ASAP2: variants seen among roughly 807,000 people sequenced by gnomAD.
The protein encoded by ASAP2 is arf-GAP with SH3 domain, ANK repeat and PH domain-containing protein 2.
A neutral mutation model predicts 131.4 loss-of-function variants in ASAP2; 45 were observed. The ratio of observed to expected loss-of-function variants is 0.34; its 90% CI spans 0.27 to 0.44. The LOEUF (loss-of-function observed/expected upper bound fraction) is 0.44. ASAP2 is among the 20% of genes least tolerant of loss of function. The probability of loss-of-function intolerance (pLI) is 1.00; values close to 1 mark genes in which losing one functional copy is unlikely to be tolerated. For synonymous variants in ASAP2, 510 were observed against 503.0 expected, an observed-to-expected ratio of 1.01 and a Z score of -0.19; for missense variants, 1,011 against 1,297.0, an observed-to-expected ratio of 0.78 and a Z score of 3.39.
chr2:9,264,324 G>A (rs1572289502), intron 1 of ASAP2, among the ~76,000 whole-genome samples: 1 of 152,190 alleles, frequency 6.6e-6, no homozygotes. Context: ...GCTTCTGCAG[G>A]CATGTCTTCC....
In ASAP2 at chr2:9,271,679, C is replaced by T. The variant is rs557004851; in HGVS notation, c.127-7638C>T. ...GAAATGGTCTGCGGAAGACGGCGGGCAGAGGGTACGGAAAGTAGGGAAGCG... is the reference window on the plus strand; with the variant it reads ...GAAATGGTCTGCGGAAGACGGCGGGTAGAGGGTACGGAAAGTAGGGAAGCG... On this transcript the variant is annotated intron_variant, in intron 1 of 27. Transcript: ENST00000281419. The T allele has an allele frequency of 1.2e-4, 74 of 608,294 alleles. 1 individual carries two copies. The highest frequency in any genetic ancestry group is 2.1e-4 in the Admixed American group (6 of 29,146). 37.7% of individuals were successfully genotyped at this position (608,294 alleles called of 1,614,324 possible). A position where few individuals can be genotyped will look rare whatever the true frequency, so the allele number is the denominator to read the frequency against.
At chr2:9,297,146 G>T (rs1471816240) in intron 2 of ASAP2, among the ~76,000 whole-genome samples, 154 bp from the exon 3 acceptor site, 4 of 152,150 alleles carry the variant, frequency 2.6e-5, no homozygotes, top group Non-Finnish European at 1.5e-5. Flanking sequence ...TTGTTGTTGG[G>T]ATAACGAAGC....
intron 24 of ASAP2, among the ~76,000 whole-genome samples, chr2:9,396,262 A>T (rs931837135): frequency 6.6e-6 from 1 of 152,040 alleles, no homozygotes; most frequent in Non-Finnish European, 1.5e-5. Flanking sequence ...CTGGAGTGGG[A>T]TTCCATTCCT....
chr2:9,291,719 A>G (rs1667823372), intron 2 of ASAP2, among the ~76,000 whole-genome samples: 1 of 152,154 alleles, frequency 6.6e-6, no homozygotes, highest in Non-Finnish European at 1.5e-5. Flanking sequence ...CTGATTCCCA[A>G]GTGGCCTGTG....
At chr2:9,288,869 G>A (rs1667625628) in intron 2 of ASAP2, among the ~76,000 whole-genome samples, 2 of 152,030 alleles carry the variant, frequency 1.3e-5, no homozygotes, top group South Asian at 2.1e-4. Context: ...CAGCTCTCTG[G>A]TTAAGGAGAG....
At chr2:9,377,956 G>C (rs1229653218) in intron 18 of ASAP2, among the ~76,000 whole-genome samples, 1 of 152,108 alleles carries the variant, frequency 6.6e-6, no homozygotes, top group Non-Finnish European at 1.5e-5. Context: ...GTAAACATTT[G>C]GTTGATAGCT....
chr2:9,320,593 AG>A (rs1670091692), intron 5 of ASAP2, among the ~76,000 whole-genome samples: 1 of 152,216 alleles, frequency 6.6e-6, no homozygotes, highest in South Asian at 2.1e-4. Flanking sequence ...AAGTTCATTG[AG>A]GGAAGTTAAG....
intron 15 of ASAP2, among the ~76,000 whole-genome samples, chr2:9,364,786 A>C (rs1572553683): frequency 2.6e-5 from 4 of 152,350 alleles, no homozygotes; most frequent in East Asian, 1.9e-4. Context: ...GCTTAGGGCA[A>C]CAGGAAATTG....
intron 1 of ASAP2, among the ~76,000 whole-genome samples, chr2:9,211,857 C>T (rs1289182056): frequency 6.6e-6 from 1 of 152,230 alleles, no homozygotes; most frequent in African/African-American, 2.4e-5. Flanking sequence ...GTCCCCAGAA[C>T]AGATTATTGC....
At chr2:9,362,448 G>A (rs897386169) in intron 15 of ASAP2, among the ~76,000 whole-genome samples, 5 of 152,134 alleles carry the variant, frequency 3.3e-5, no homozygotes, top group Non-Finnish European at 7.3e-5. Flanking sequence ...ACAACATGAT[G>A]TTTTAGTATG....
intron 9 of ASAP2, among the ~76,000 whole-genome samples, chr2:9,339,269 G>A (rs571914186): frequency 3.9e-5 from 6 of 152,178 alleles, no homozygotes; most frequent in East Asian, 1.9e-4. Context: ...TGACTAGGAC[G>A]GGGTTGCCTG....
intron 1 of ASAP2, among the ~76,000 whole-genome samples, chr2:9,265,502 C>T (rs1665877871): frequency 6.6e-6 from 1 of 152,142 alleles, no homozygotes; most frequent in African/African-American, 2.4e-5. Flanking sequence ...TAGGATAGTA[C>T]TTTTCATTTT....
chr2:9,328,967 T>A (rs1427147949), intron 7 of ASAP2, among the ~76,000 whole-genome samples: 1 of 152,244 alleles, frequency 6.6e-6, no homozygotes, highest in Non-Finnish European at 1.5e-5. Context: ...TTTTTGTTTT[T>A]TGTTTTTCTA....
intron 1 of ASAP2, among the ~76,000 whole-genome samples, chr2:9,213,701 G>A (rs972520698): frequency 3.3e-5 from 5 of 152,156 alleles, no homozygotes; most frequent in African/African-American, 1.2e-4. Flanking sequence ...ATTATTGTGT[G>A]CTAGTGGCAT....
At chr2:9,223,930 C>T (rs1183767658) in intron 1 of ASAP2, among the ~76,000 whole-genome samples, 1 of 152,196 alleles carries the variant, frequency 6.6e-6, no homozygotes, top group Admixed American at 6.5e-5. Flanking sequence ...TCAAAATCAG[C>T]GTCCTCTGAT....
rs548116379 is a variant in ASAP2, at chr2:9,346,960, G to A, written c.1023+2160G>A. On this transcript the variant is annotated intron_variant, in intron 11 of 27. Coordinates refer to ENST00000281419, the MANE Select transcript of ASAP2 (RefSeq NM_003887.3). ...TTTGGCAGATAGTACGGTTATAACC[G>A]GCATTACTGGGATGCTGAGAACTCA... Among the ~76,000 whole-genome samples, 3 of 152,322 alleles carry A rather than the reference G, an allele frequency of 2.0e-5. No individual in the cohort carries two copies. In the South Asian group the frequency reaches 6.2e-4, roughly 32 times the overall value.
At chr2:9,367,696 A>G (rs1673586281) in intron 15 of ASAP2, among the ~76,000 whole-genome samples, 1 of 152,164 alleles carries the variant, frequency 6.6e-6, no homozygotes, top group Non-Finnish European at 1.5e-5. Flanking sequence ...GGGGAGGGCA[A>G]GGTTGCATTA....
At chr2:9,272,769 A>G (rs1666486314) in intron 1 of ASAP2, among the ~76,000 whole-genome samples, 1 of 152,144 alleles carries the variant, frequency 6.6e-6, no homozygotes, top group South Asian at 2.1e-4. Context: ...TCTTCTGAGC[A>G]TGGATATTTA....
chr2:9,223,551 A>AT (rs887188060), intron 1 of ASAP2, among the ~76,000 whole-genome samples: 11 of 151,884 alleles, frequency 7.2e-5, no homozygotes, highest in Admixed American at 2.6e-4. Context: ...AAATTTGTTA[A>AT]TTTTTTTTTC....
Sources: allele counts gnomAD v4.1 joint callset (sites outside exome capture counted in the v4.1 genomes callset), GRCh38; gene constraint gnomAD v4.1.1; transcripts MANE v1.5; gene names NCBI Gene and HGNC (gene_info 2026-07-23, HGNC 2026-07-21).